Variants in PTPRD observed in about 807,000 individuals in gnomAD.
The protein encoded by PTPRD is protein tyrosine phosphatase receptor type D.
In PTPRD, 34 loss-of-function variants were observed where a neutral mutation model predicts 214.5. The observed-to-expected ratio is 0.16, with a 90% CI of 0.12 to 0.21. The LOEUF is 0.21. Ranked by LOEUF, PTPRD falls within the 10% of genes least tolerant of loss-of-function variation. PTPRD has a pLI of 1.00. For synonymous variants in PTPRD, 1,128 were observed against 845.7 expected, an observed-to-expected ratio of 1.33 and a Z score of -5.79; for missense variants, 2,545 against 2,398.7, an observed-to-expected ratio of 1.06 and a Z score of -1.27.
chr9:10,357,690 C>T (rs1476285543), intron 2 of PTPRD, among the ~76,000 whole-genome samples: 1 of 151,732 alleles, frequency 6.6e-6, no homozygotes. Flanking sequence ...ATTAAAGAAA[C>T]AAAAGAATGG....
At chr9:8,355,903 C>T (rs2076871508) in intron 39 of PTPRD, among the ~76,000 whole-genome samples, 1 of 152,042 alleles carries the variant, frequency 6.6e-6, no homozygotes, top group Non-Finnish European at 1.5e-5. Context: ...AGGCACATTG[C>T]TAACATTTTT....
chr9:10,051,293 T>A (rs1217238704), intron 3 of PTPRD, among the ~76,000 whole-genome samples: 1 of 152,122 alleles, frequency 6.6e-6, no homozygotes, highest in African/African-American at 2.4e-5. Flanking sequence ...GTACTATTTT[T>A]TAAAGTATTA....
intron 10 of PTPRD, among the ~76,000 whole-genome samples, chr9:9,119,276 G>C (rs1350839795): frequency 5.3e-5 from 8 of 152,078 alleles, no homozygotes; most frequent in African/African-American, 1.9e-4. Context: ...AAACCAGCTG[G>C]CCTAGTTTCT....
At chr9:8,469,679 T>G (rs2096614375) in intron 31 of PTPRD, among the ~76,000 whole-genome samples, 2 of 152,066 alleles carry the variant, frequency 1.3e-5, no homozygotes, top group Non-Finnish European at 2.9e-5. Flanking sequence ...ACAAAACAAT[T>G]AAATTATAAC....
intron 7 of PTPRD, among the ~76,000 whole-genome samples, chr9:9,600,952 A>G (rs2154337259): frequency 6.6e-6 from 1 of 152,184 alleles, no homozygotes; most frequent in Non-Finnish European, 1.5e-5. Flanking sequence ...TGATGTATCT[A>G]AAACCACCTG....
intron 5 of PTPRD, among the ~76,000 whole-genome samples, chr9:9,912,402 T>C (rs1024319278): frequency 1.3e-5 from 2 of 152,170 alleles, no homozygotes; most frequent in East Asian, 1.9e-4. Flanking sequence ...CCAACTTTGA[T>C]TATGCTGTAA....
intron 10 of PTPRD, among the ~76,000 whole-genome samples, chr9:9,143,566 G>C (rs74736724): frequency 0.05 from 7,619 of 152,220 alleles, 277 homozygotes; most frequent in Non-Finnish European, 0.071. Flanking sequence ...AATTTTTAAA[G>C]ACCGAATGTT....
chr9:9,594,375 A>G (rs951437368), intron 7 of PTPRD, among the ~76,000 whole-genome samples: 3 of 151,970 alleles, frequency 2.0e-5, no homozygotes, highest in Non-Finnish European at 2.9e-5. Context: ...GGTTTTTCCA[A>G]TGTTAGCTTG....
At chr9:8,938,245 G>C (rs2099010041) in intron 11 of PTPRD, among the ~76,000 whole-genome samples, 1 of 151,738 alleles carries the variant, frequency 6.6e-6, no homozygotes, top group South Asian at 2.1e-4. Context: ...TGGATTTTAG[G>C]GGAGAGAAAC....
chr9:9,373,501 A>T (rs926948797), intron 9 of PTPRD, among the ~76,000 whole-genome samples: 3 of 152,044 alleles, frequency 2.0e-5, no homozygotes, highest in African/African-American at 7.2e-5. Flanking sequence ...GGCTAAACTC[A>T]AAGGGTATTC....
At chr9:10,028,801 A>G (rs576606288) in intron 4 of PTPRD, among the ~76,000 whole-genome samples, 1 of 152,314 alleles carries the variant, frequency 6.6e-6, no homozygotes, top group South Asian at 2.1e-4. Flanking sequence ...AGAAAATCCC[A>G]TTTTCGAGGA....
intron 7 of PTPRD, among the ~76,000 whole-genome samples, chr9:9,686,191 CCTT>C (rs2097164246): frequency 3.3e-5 from 5 of 150,934 alleles, no homozygotes; most frequent in Non-Finnish European, 7.4e-5. Flanking sequence ...ATAATTTTGT[CCTT>C]CTTAAATTTT....
intron 3 of PTPRD, among the ~76,000 whole-genome samples, chr9:10,221,179 T>G (rs1021078238): frequency 2.0e-5 from 3 of 152,014 alleles, no homozygotes; most frequent in Non-Finnish European, 4.4e-5. Context: ...CATGGAAGGT[T>G]GAAAAGTATT....
At chr9:9,040,282 A>G (rs754899008) in intron 10 of PTPRD, among the ~76,000 whole-genome samples, 1 of 152,146 alleles carries the variant, frequency 6.6e-6, no homozygotes, top group Non-Finnish European at 1.5e-5. Flanking sequence ...CTTTTACACT[A>G]TGGTATTTTC....
At chr9:8,542,862 T>C (rs2078840552) in intron 14 of PTPRD, among the ~76,000 whole-genome samples, 1 of 152,228 alleles carries the variant, frequency 6.6e-6, no homozygotes, top group Non-Finnish European at 1.5e-5. Context: ...CAGTCTAGAA[T>C]GGGTTGTAAA....
chr9:10,240,102 C>T (rs889605486), intron 3 of PTPRD, among the ~76,000 whole-genome samples: 1 of 151,942 alleles, frequency 6.6e-6, no homozygotes, highest in Non-Finnish European at 1.5e-5. Flanking sequence ...AATCTATTAG[C>T]ATTAGATTAT....
chr9:9,124,757 A>G (rs1003352194), intron 10 of PTPRD, among the ~76,000 whole-genome samples: 3 of 152,158 alleles, frequency 2.0e-5, no homozygotes, highest in Non-Finnish European at 4.4e-5. Context: ...TTGCCAGTTT[A>G]TAAGGCTTTA....
intron 43 of PTPRD, among the ~76,000 whole-genome samples, chr9:8,332,565 GCAGT>G (rs1440858461): frequency 6.6e-6 from 1 of 152,114 alleles, no homozygotes; most frequent in East Asian, 1.9e-4. Context: ...AGATTGAAGA[GCAGT>G]CTTTCTTTTT....
chr9:8,482,370 G>A (rs985713814), intron 30 of PTPRD, among the ~76,000 whole-genome samples: 1 of 151,790 alleles, frequency 6.6e-6, no homozygotes, highest in Non-Finnish European at 1.5e-5. Flanking sequence ...TTAGAATCTT[G>A]TTATTTGCCT....
Sources: gnomAD v4.1 joint callset for allele counts (sites outside exome capture counted in the v4.1 genomes callset) on GRCh38, gnomAD v4.1.1 for gene constraint, MANE v1.5 for transcripts, NCBI Gene and HGNC (gene_info 2026-07-23, HGNC 2026-07-21) for gene names.